PPP1R16B: variants seen among roughly 807,000 people sequenced by gnomAD.
The protein encoded by PPP1R16B is protein phosphatase 1 regulatory subunit 16B, also known as protein phosphatase 1 regulatory inhibitor subunit 16B.
PPP1R16B carries 14 observed loss-of-function variants against 61.7 expected under a neutral mutation model. The observed-to-expected ratio is 0.23, with a 90% CI of 0.15 to 0.35. The LOEUF (loss-of-function observed/expected upper bound fraction) is 0.35. Ranked by LOEUF, PPP1R16B falls within the 10% of genes least tolerant of loss-of-function variation. The pLI is 1.00. For missense variants in PPP1R16B, 547 were observed against 752.5 expected (o/e 0.73, Z 3.19); for synonymous variants, 266 against 305.3 (o/e 0.87, Z 1.34).
intron 1 of PPP1R16B, among the ~76,000 whole-genome samples, chr20:38,809,777 C>T (rs958711931): frequency 9.2e-5 from 14 of 151,904 alleles, no homozygotes; most frequent in Non-Finnish European, 1.9e-4. Flanking sequence ...TCCAGGAGTT[C>T]GAGACTAGCC....
rs78566802 is a variant in PPP1R16B, at chr20:38,861,550, G to A, written c.250+25375G>A. 1.9e-3 allele frequency among the ~76,000 whole-genome samples: 288 copies of A among 152,198 alleles called. 1 individual carries two copies. The highest frequency in any genetic ancestry group is 3.4e-3 in the Middle Eastern group (1 of 294). Reference sequence around the variant, plus strand: ...CTCAGCATGGTTACCATAGGACCCTGACCTGTCCGTTTTCACCCTGGGATG... The same window carrying A: ...CTCAGCATGGTTACCATAGGACCCTAACCTGTCCGTTTTCACCCTGGGATG... On this transcript the variant is annotated intron_variant, in intron 2 of 10. Coordinates refer to ENST00000299824, the MANE Select transcript of PPP1R16B (RefSeq NM_015568.4).
At chr20:38,810,000 A>AC (rs1215397563) in intron 1 of PPP1R16B, among the ~76,000 whole-genome samples, 5 of 151,550 alleles carry the variant, frequency 3.3e-5, no homozygotes, top group African/African-American at 4.9e-5. Flanking sequence ...AAAAAAAAAA[A>AC]AAAAAACAAA....
chr20:38,865,439 G>A (rs558968571), intron 2 of PPP1R16B, among the ~76,000 whole-genome samples: 25 of 152,072 alleles, frequency 1.6e-4, no homozygotes, highest in Non-Finnish European at 3.1e-4. Context: ...ACAGGTGCCC[G>A]CCACCACGGC....
At chr20:38,869,778 T>C (rs1224385416) in intron 2 of PPP1R16B, among the ~76,000 whole-genome samples, 1 of 151,966 alleles carries the variant, frequency 6.6e-6, no homozygotes, top group African/African-American at 2.4e-5. Context: ...ATGGAATATA[T>C]TAAAGGGGAA....
rs974975674 is a variant in PPP1R16B, at chr20:38,844,870, C to T, written c.250+8695C>T. 2.0e-5 allele frequency among the ~76,000 whole-genome samples: 3 copies of T among 151,926 alleles called. No homozygotes were observed. The East Asian group carries it at 5.8e-4, about 29-fold the overall frequency. On this transcript the variant is annotated intron_variant, in intron 2 of 10. Transcript: ENST00000299824. ...GAAAATTATTTTGATGTTTTAATAC[C>T]CTGAAAGAGTCTAGAGACCACTTTG...
At chr20:38,821,755 C>T (rs1481226496) in intron 1 of PPP1R16B, among the ~76,000 whole-genome samples, 3 of 152,084 alleles carry the variant, frequency 2.0e-5, no homozygotes, top group South Asian at 4.1e-4. Context: ...TCTTTTATTA[C>T]AAGCATAATT....
At chr20:38,873,333 C>T (rs2085143003) in intron 2 of PPP1R16B, among the ~76,000 whole-genome samples, 1 of 152,118 alleles carries the variant, frequency 6.6e-6, no homozygotes, top group Admixed American at 6.5e-5. Flanking sequence ...CTTCGGTTCT[C>T]GTGGTGCCCA....
intron 4 of PPP1R16B, 125 bp downstream of exon 4, chr20:38,895,835 T>TCCTCCCTCCCTCCTTCCTTCTTTCTTC (rs1957472638): frequency 4.4e-6 from 4 of 908,174 alleles, no homozygotes; most frequent in African/African-American, 2.1e-5. Context: ...CTTCTTTCTC[T>TCCTCCCTCCCTCCTTCCTTCTTTCTTC]CCTCCCTTCC....
intron 1 of PPP1R16B, among the ~76,000 whole-genome samples, chr20:38,820,248 C>T (rs2084764023): frequency 6.6e-6 from 1 of 152,174 alleles, no homozygotes; most frequent in South Asian, 2.1e-4. Flanking sequence ...CTTGTGAATG[C>T]CTTTTAGCGA....
chr20:38,813,761 C>T lies in PPP1R16B; in HGVS notation c.-102+7969C>T, dbSNP rs1228965467. Reference sequence around the variant, plus strand: ...CAACTCTAAGGGGTGACATCATCATCATCATCATTATTATTATTATTATTA... The same window carrying T: ...CAACTCTAAGGGGTGACATCATCATTATCATCATTATTATTATTATTATTA... On this transcript the variant is annotated intron_variant, in intron 1 of 10. Coordinates refer to ENST00000299824, the MANE Select transcript of PPP1R16B (RefSeq NM_015568.4). 2.3e-5 allele frequency among the ~76,000 whole-genome samples: 3 copies of T among 131,870 alleles called. No individual in the cohort carries two copies. In the East Asian group the frequency reaches 6.1e-4, roughly 27 times the overall value. 86.5% of individuals were successfully genotyped at this position (131,870 alleles called of 152,430 possible). A position where few individuals can be genotyped will look rare whatever the true frequency, so the allele number is the denominator to read the frequency against.
At chr20:38,852,778 G>T (rs1331392879) in intron 2 of PPP1R16B, among the ~76,000 whole-genome samples, 1 of 126,150 alleles carries the variant, frequency 7.9e-6, no homozygotes, top group Non-Finnish European at 1.7e-5. Context: ...TGCGGGGGGT[G>T]GGGGTAGCAT....
intron 2 of PPP1R16B, among the ~76,000 whole-genome samples, chr20:38,858,838 T>C (rs2085026852): frequency 6.6e-6 from 1 of 152,198 alleles, no homozygotes; most frequent in East Asian, 1.9e-4. Flanking sequence ...TTATCTCACA[T>C]GGGTCAGGGG....
intron 4 of PPP1R16B, among the ~76,000 whole-genome samples, chr20:38,897,573 A>G (rs2085359610): frequency 6.6e-6 from 1 of 152,248 alleles, no homozygotes; most frequent in Non-Finnish European, 1.5e-5. Context: ...ATGAGTGTAC[A>G]AATATCTCTT....
chr20:38,916,437 A>G (rs2085541476), intron 10 of PPP1R16B, among the ~76,000 whole-genome samples: 1 of 149,672 alleles, frequency 6.7e-6, no homozygotes, highest in Non-Finnish European at 1.5e-5. Context: ...AAACTAGATT[A>G]TAAACTAGAT....
intron 6 of PPP1R16B, among the ~76,000 whole-genome samples, chr20:38,903,563 ATCCG>A (rs761663178): frequency 0.082 from 12,070 of 146,714 alleles, 729 homozygotes; most frequent in East Asian, 0.34. Context: ...CCATCCATCC[ATCCG>A]TCCGTCCGTC....
intron 6 of PPP1R16B, 118 bp from the exon 7 acceptor site, chr20:38,905,851 T>A (rs1037907084): frequency 2.1e-5 from 22 of 1,033,842 alleles, no homozygotes; most frequent in Non-Finnish European, 2.8e-5. Context: ...TCCATTTCAT[T>A]CTATTCCATT....
intron 2 of PPP1R16B, among the ~76,000 whole-genome samples, chr20:38,870,252 T>G (rs1330572204): frequency 5.9e-5 from 9 of 152,124 alleles, no homozygotes; most frequent in African/African-American, 2.2e-4. Flanking sequence ...GAGCAAAAAT[T>G]TATTGAGCAC....
chr20:38,912,644 C>T (rs1391380949), intron 10 of PPP1R16B, among the ~76,000 whole-genome samples: 1 of 151,672 alleles, frequency 6.6e-6, no homozygotes, highest in Non-Finnish European at 1.5e-5. Context: ...CACTGAACTC[C>T]AGCCTGGGTG....
intron 4 of PPP1R16B, among the ~76,000 whole-genome samples, chr20:38,896,010 C>CCTTCCTTCTTTCTTTCCTCT (rs1189106911): frequency 8.2e-5 from 11 of 134,498 alleles, no homozygotes; most frequent in Non-Finnish European, 1.6e-4. Context: ...TCCCTTCCCC[C>CCTTCCTTCTTTCTTTCCTCT]CTTCCTTCTT....
Sources: allele counts gnomAD v4.1 joint callset (sites outside exome capture counted in the v4.1 genomes callset), GRCh38; gene constraint gnomAD v4.1.1; transcripts MANE v1.5; gene names NCBI Gene and HGNC (gene_info 2026-07-23, HGNC 2026-07-21).